Variants in SPATA31D1 observed in about 807,000 individuals in gnomAD.
The protein encoded by SPATA31D1 is SPATA31 subfamily D member 1.
A neutral mutation model predicts 13.2 loss-of-function variants in SPATA31D1; 6 were observed. The observed-to-expected ratio is 0.46, with a 90% CI of 0.25 to 0.90. The LOEUF (loss-of-function observed/expected upper bound fraction) is 0.90. SPATA31D1 is among the 40% of genes least tolerant of loss of function. SPATA31D1 has a pLI of 0.18. For missense variants in SPATA31D1, 2,445 were observed against 1,884.7 expected (o/e 1.30, Z -5.50); for synonymous variants, 903 against 718.8 (o/e 1.26, Z -4.10).
intron 1 of SPATA31D1, 103 bp from the exon 2 acceptor site, chr9:81,989,675 A>C (rs1824913722): frequency 1.6e-6 from 2 of 1,261,176 alleles, no homozygotes; most frequent in Admixed American, 2.0e-5. Context: ...AAAGAGTAAT[A>C]TTCTTGTATA....
chr9:81,988,610 G>T (rs1472839587), upstream of SPATA31D1, among the ~76,000 whole-genome samples: 2 of 152,158 alleles, frequency 1.3e-5, no homozygotes, highest in Admixed American at 6.5e-5. Flanking sequence ...AAATGGAGTG[G>T]CAAGGTAGGG....
rs886288114 is a variant in SPATA31D1, at chr9:81,992,124, C to A, written c.1654C>A (p.Pro552Thr). Residue 552 changes from proline (P) to threonine (T), a missense_variant, in exon 4 of 4, where the codon CCT becomes ACT. Transcript: ENST00000344803. ...HESPVLPPPQ[P>T]LSLPSTQPLP... Reference sequence around the variant, plus strand: ...ATCCCCAGTACTTCCCCCTCCCCAACCTCTGTCCTTGCCTAGTACCCAACC... The same window carrying A: ...ATCCCCAGTACTTCCCCCTCCCCAAACTCTGTCCTTGCCTAGTACCCAACC... The A allele has an allele frequency of 1.2e-5, 20 of 1,613,734 alleles. No individual in the cohort carries two copies. The highest frequency in any genetic ancestry group is 1.5e-5 in the Non-Finnish European group (18 of 1,179,716).
In SPATA31D1 at chr9:81,991,008, C is replaced by A. The variant is rs150527673; in HGVS notation, c.538C>A (p.Pro180Thr). The change falls in exon 4 of 4, where the codon CCT becomes ACT. Residue 180 changes from proline (P) to threonine (T), a missense_variant. Physicochemically the swap from Pro to Thr is conservative, Grantham distance 38. Transcript: ENST00000344803. ...TCTGGCTTCCACCCCCTCAGCAACC[C>A]CTCCAGAAGACCTAATACTGTCCCC... ...FTLASTPSAT[P>T]PEDLILSPRP... The A allele has an allele frequency of 1.9e-4, 302 of 1,613,728 alleles. 2 individuals carry two copies. Among genetic ancestry groups the A allele is most frequent in the African/African-American group, 1.4e-3 (108 of 75,016 alleles).
At position 81,993,505 on chromosome 9, in the gene SPATA31D1, T is replaced by C; in HGVS notation, c.3035T>C (p.Leu1012Pro). The change falls in exon 4 of 4, where the codon CTT (leucine) becomes CCT (proline). Residue 1012 changes from leucine (L) to proline (P), a missense_variant. Leu to Pro is a moderately conservative substitution (Grantham distance 98). Coordinates refer to ENST00000344803, the MANE Select transcript of SPATA31D1 (RefSeq NM_001001670.3). ...RRQFSDTDHD[L>P]IETDSKDGAS... Reference sequence around the variant, plus strand: ...CAATTTTCTGATACTGACCATGACCTTATAGAGACAGATTCCAAAGACGGG... The same window carrying C: ...CAATTTTCTGATACTGACCATGACCCTATAGAGACAGATTCCAAAGACGGG... 6.2e-7 allele frequency: 1 copy of C among 1,613,844 alleles called. No individual in the cohort carries two copies. Among genetic ancestry groups the C allele is most frequent in the Non-Finnish European group, 8.5e-7 (1 of 1,179,844 alleles).
chr9:81,990,396 T>G lies in SPATA31D1; in HGVS notation c.233-21T>G, dbSNP rs1303660334. 3.2e-6 allele frequency: 5 copies of G among 1,577,040 alleles called. No individual in the cohort carries two copies. The South Asian group carries it at 4.7e-5, about 15-fold the overall frequency. On this transcript the variant is annotated intron_variant, in intron 2 of 3. Coordinates refer to ENST00000344803, the MANE Select transcript of SPATA31D1 (RefSeq NM_001001670.3). ...ATGAGCCGTGTGCCTCTATCTTCAT[T>G]GCATATAACATACTATTCAGGTTTC...
At position 81,990,983 on chromosome 9, in the gene SPATA31D1, T is replaced by C. The variant is rs1824942733; in HGVS notation, c.513T>C (p.Thr171=). ...CTTCTGCGACTGAGTCATCGTTCAC[T>C]CTGGCTTCCACCCCCTCAGCAACCC... ...SSASATESSF[T]LASTPSATPP... is the part of the protein sequence containing the mutation. Residue 171 remains threonine (T), a synonymous_variant, in exon 4 of 4, where the codon ACT becomes ACC. Transcript: ENST00000344803. The C allele has an allele frequency of 6.2e-7, 1 of 1,613,810 alleles. No individual in the cohort carries two copies. The highest frequency in any genetic ancestry group is 8.5e-7 in the Non-Finnish European group (1 of 1,179,772).
chr9:81,990,818 T>C lies in SPATA31D1; in HGVS notation c.348T>C (p.Asp116=). The change falls in exon 4 of 4, where the codon GAT becomes GAC. Residue 116 remains aspartate (D), a synonymous_variant. Coordinates refer to ENST00000344803, the MANE Select transcript of SPATA31D1 (RefSeq NM_001001670.3). ...VSCSPRGQHH[D]TNHFRRLLCP... is the part of the protein sequence containing the mutation. ...GCAGTCCTCGGGGCCAGCATCATGA[T>C]ACCAACCACTTTCGTCGACTGTTAT... 6.2e-7 allele frequency: 1 copy of C among 1,613,718 alleles called. No individual in the cohort carries two copies. The highest frequency in any genetic ancestry group is 8.5e-7 in the Non-Finnish European group (1 of 1,179,768).
chr9:81,994,556 T>C lies in SPATA31D1; in HGVS notation c.4086T>C (p.Asn1362=), dbSNP rs1825055451. Residue 1362 remains asparagine, a synonymous_variant, in exon 4 of 4, where the codon AAT becomes AAC. Coordinates refer to ENST00000344803, the MANE Select transcript of SPATA31D1 (RefSeq NM_001001670.3). ...KWMKTSLQWF[N]KPSISYEEQE... ...TGAAGACCTCTTTGCAGTGGTTTAA[T>C]AAACCCAGCATATCATATGAAGAAC... 1 of 1,613,228 alleles carries C rather than the reference T, an allele frequency of 6.2e-7. No homozygotes were observed. Among genetic ancestry groups the C allele is most frequent in the African/African-American group, 1.3e-5 (1 of 75,048 alleles).
upstream of SPATA31D1, among the ~76,000 whole-genome samples, chr9:81,987,651 G>A (rs1428425660): frequency 6.6e-6 from 1 of 152,100 alleles, no homozygotes; most frequent in African/African-American, 2.4e-5. Context: ...ATCCCTTGAA[G>A]TTTTAATTAT....
chr9:81,988,008 G>A (rs960175205), upstream of SPATA31D1, among the ~76,000 whole-genome samples: 4 of 152,088 alleles, frequency 2.6e-5, no homozygotes, highest in African/African-American at 4.8e-5. Flanking sequence ...CTGTGCATGC[G>A]GAGGACTTAC....
chr9:81,991,237 T>A lies in SPATA31D1; in HGVS notation c.767T>A (p.Val256Glu), dbSNP rs1343305385. 3.7e-6 allele frequency: 6 copies of A among 1,613,850 alleles called. No individual in the cohort carries two copies. The highest frequency in any genetic ancestry group is 4.2e-6 in the Non-Finnish European group (5 of 1,179,844). ...CTCCCACCACATCACATTGAGAGAG[T>A]GGAGTCCAGCCTCCAACCTGAAGCC... Reference protein sequence around the residue: ...PLLPPHHIERVESSLQPEASL... With the variant: ...PLLPPHHIEREESSLQPEASL... Residue 256 changes from valine (V) to glutamate (E), a missense_variant, in exon 4 of 4, where the codon GTG becomes GAG. Transcript: ENST00000344803.
Position 81,994,315 on chromosome 9 carries a change from G to A in SPATA31D1, c.3845G>A (p.Cys1282Tyr), listed in dbSNP as rs745583382. Residue 1282 changes from cysteine to tyrosine, a missense_variant, in exon 4 of 4, where the codon TGT (cysteine) becomes TAT (tyrosine). By Grantham distance (194) the Cys-to-Tyr change is radical. Transcript: ENST00000344803. ...PRVPTCVLQK[C>Y]QVTNFPPAVN... ...GTCCCTACCTGTGTCTTACAGAAGTGTCAAGTTACGAATTTCCCACCAGCT... is the reference window on the plus strand; with the variant it reads ...GTCCCTACCTGTGTCTTACAGAAGTATCAAGTTACGAATTTCCCACCAGCT... 4 of 1,613,938 alleles carry A rather than the reference G, an allele frequency of 2.5e-6. No individual in the cohort carries two copies. The highest frequency in any genetic ancestry group is 1.7e-5 in the Admixed American group (1 of 60,020).
Position 81,990,098 on chromosome 9 carries a change from G to A in SPATA31D1, c.232+275G>A, listed in dbSNP as rs1824921634. The A allele has an allele frequency of 5.8e-6, 3 of 519,676 alleles. No individual in the cohort carries two copies. In the South Asian group the frequency reaches 8.6e-5, roughly 15 times the overall value. 32.2% of individuals were successfully genotyped at this position (519,676 alleles called of 1,614,324 possible). On this transcript the variant is annotated intron_variant, in intron 2 of 3. Coordinates refer to ENST00000344803, the MANE Select transcript of SPATA31D1 (RefSeq NM_001001670.3). ...AGATATCCAGGAGGGACTGCTGGTG[G>A]GCTTGGAGTCAGAGCTTCTGTCTCA...
chr9:81,992,725 T>G lies in SPATA31D1; in HGVS notation c.2255T>G (p.Phe752Cys). 6.2e-7 allele frequency: 1 copy of G among 1,613,756 alleles called. No individual in the cohort carries two copies. Among genetic ancestry groups the G allele is most frequent in the Non-Finnish European group, 8.5e-7 (1 of 1,179,712 alleles). Residue 752 changes from phenylalanine (F) to cysteine (C), a missense_variant, in exon 4 of 4, where the codon TTC becomes TGC. Coordinates refer to ENST00000344803, the MANE Select transcript of SPATA31D1 (RefSeq NM_001001670.3). ...CNVLKKSASS[F>C]PRSFHERSSN... ...GTTCTAAAGAAGTCCGCATCAAGCT[T>G]CCCTAGAAGCTTCCACGAGAGGAGC... is the stretch of plus-strand genomic sequence containing the variant.
At chr9:81,989,711 T>C (rs1289351952) in intron 1 of SPATA31D1, 67 bp from the exon 2 acceptor site, 27 of 1,508,970 alleles carry the variant, frequency 1.8e-5, no homozygotes, top group Non-Finnish European at 2.5e-5. Flanking sequence ...AATGAATGAA[T>C]GAATGAGCTT....
Position 81,990,882 on chromosome 9 carries a change from G to C in SPATA31D1, c.412G>C (p.Ala138Pro). ...PVCRVCKRAT[A>P]DIQQLLSWES... ...CTGTCGGGTGTGTAAGAGAGCAACT[G>C]CTGATATCCAGCAACTGCTGTCTTG... Residue 138 changes from alanine (A) to proline (P), a missense_variant, in exon 4 of 4, where the codon GCT becomes CCT. Coordinates refer to ENST00000344803, the MANE Select transcript of SPATA31D1 (RefSeq NM_001001670.3). The C allele has an allele frequency of 6.2e-7, 1 of 1,613,934 alleles. No individual in the cohort carries two copies. The highest frequency in any genetic ancestry group is 8.5e-7 in the Non-Finnish European group (1 of 1,179,888).
In SPATA31D1 at chr9:81,988,950, C is replaced by A. The variant is rs1397482654; in HGVS notation, c.132C>A (p.Tyr44Ter). The change falls in exon 1 of 4, where the codon TAC becomes TAA. Residue 44 changes from tyrosine to a stop codon, truncating the protein, a stop_gained. Coordinates refer to ENST00000344803, the MANE Select transcript of SPATA31D1 (RefSeq NM_001001670.3). LOFTEE classifies it high-confidence loss of function. ...GGTTGTTTATACTGTACTTGTTCTA[C>A]GTGGTATTGACCCTGTATTCGTCAC... Reference protein sequence around the residue: ...GLGLFILYLFYVVLTLYSSPT... With the variant: ...GLGLFILYLF 6.2e-7 allele frequency: 1 copy of A among 1,612,022 alleles called. No homozygotes were observed. The highest frequency in any genetic ancestry group is 2.2e-5 in the East Asian group (1 of 44,852).
rs1159005607 is a variant in SPATA31D1 at position 81,993,494 on chromosome 9, T to C, written c.3024T>C (p.Thr1008=). 4 of 1,613,928 alleles carry C rather than the reference T, an allele frequency of 2.5e-6. No individual in the cohort carries two copies. In the Admixed American group the frequency reaches 5.0e-5, roughly 20 times the overall value. Reference sequence around the variant, plus strand: ...CCCTGAGAAGACAATTTTCTGATACTGACCATGACCTTATAGAGACAGATT... The same window carrying C: ...CCCTGAGAAGACAATTTTCTGATACCGACCATGACCTTATAGAGACAGATT... ...QGTLRRQFSD[T]DHDLIETDSK... is the part of the protein sequence containing the mutation. The change falls in exon 4 of 4, where the codon ACT becomes ACC. Residue 1008 remains threonine, a synonymous_variant. Transcript: ENST00000344803.
Position 81,993,933 on chromosome 9 carries a change from T to A in SPATA31D1, c.3463T>A (p.Ser1155Thr), listed in dbSNP as rs1324271410. 31 of 1,613,714 alleles carry A rather than the reference T, an allele frequency of 1.9e-5. No individual in the cohort carries two copies. Among genetic ancestry groups the A allele is most frequent in the Non-Finnish European group, 2.5e-5 (29 of 1,179,794 alleles). ...KTFPVTNALQ[S>T]QTRNNLTTSK... ...CTTTCCTGTCACCAATGCTCTTCAA[T>A]CACAAACTAGGAACAACTTGACAAC... Residue 1155 changes from serine (S) to threonine (T), a missense_variant, in exon 4 of 4, where the codon TCA (serine) becomes ACA (threonine). Physicochemically the swap from Ser to Thr is moderately conservative, Grantham distance 58. Coordinates refer to ENST00000344803, the MANE Select transcript of SPATA31D1 (RefSeq NM_001001670.3).
Sources: allele counts gnomAD v4.1 joint callset (sites outside exome capture counted in the v4.1 genomes callset), GRCh38; gene constraint gnomAD v4.1.1; transcripts MANE v1.5; gene names NCBI Gene and HGNC (gene_info 2026-07-23, HGNC 2026-07-21).